Variants in PDE10A observed in about 807,000 individuals in gnomAD.
PDE10A encodes cAMP and cAMP-inhibited cGMP 3',5'-cyclic phosphodiesterase 10A.
A neutral mutation model predicts 97.7 loss-of-function variants in PDE10A; 39 were observed. That is an observed-to-expected ratio of 0.40 (90% CI 0.31 to 0.52). The LOEUF is 0.52. PDE10A is among the 20% of genes least tolerant of loss of function. PDE10A has a pLI of 0.56. For missense variants in PDE10A, 731 were observed against 1,047.8 expected (o/e 0.70, Z 4.17); for synonymous variants, 371 against 376.8 (o/e 0.98, Z 0.18).
chr6:165,404,755 T>C (rs1786982602), intron 13 of PDE10A, among the ~76,000 whole-genome samples: 1 of 152,142 alleles, frequency 6.6e-6, no homozygotes, highest in African/African-American at 2.4e-5. Flanking sequence ...TACTGAGAGA[T>C]TTAAAATACA....
rs958506250 is a variant in PDE10A, at chr6:165,545,320, T to A, written c.866-1752A>T. Reference sequence around the variant, plus strand: ...TACTTTCCCATCACCTCAAGCTCCATCTTAAGTCAAAACTATATGAGTTAT... The same window carrying A: ...TACTTTCCCATCACCTCAAGCTCCAACTTAAGTCAAAACTATATGAGTTAT... On this transcript the variant is annotated intron_variant, in intron 1 of 21. Coordinates refer to ENST00000539869, the MANE Select transcript of PDE10A (RefSeq NM_001385079.1). 20 of 409,612 alleles carry A rather than the reference T, an allele frequency of 4.9e-5. 1 individual carries two copies. The Admixed American group carries it at 6.4e-4, about 13-fold the overall frequency. 25.4% of individuals were successfully genotyped at this position (409,612 alleles called of 1,614,324 possible).
chr6:165,474,871 G>A (rs1779207866), intron 3 of PDE10A, among the ~76,000 whole-genome samples: 1 of 152,134 alleles, frequency 6.6e-6, no homozygotes, highest in South Asian at 2.1e-4. Context: ...GCCTGACATT[G>A]AGATCGAGAA....
At chr6:165,465,695 AGCCCCTTATAAAGCCAT>A (rs1778602139) in intron 3 of PDE10A, among the ~76,000 whole-genome samples, 3 of 152,200 alleles carry the variant, frequency 2.0e-5, no homozygotes. Context: ...CAAAGGGGGA[AGCCCCTTATAAAGCCAT>A]CAAATCTTGT....
intron 2 of PDE10A, among the ~76,000 whole-genome samples, chr6:165,504,539 T>A (rs1210042694): frequency 6.6e-6 from 1 of 152,142 alleles, no homozygotes; most frequent in African/African-American, 2.4e-5. Flanking sequence ...GTCAATGTGC[T>A]TAGAGACAGT....
chr6:165,408,087 C>A (rs938307915), intron 13 of PDE10A, among the ~76,000 whole-genome samples: 1 of 152,186 alleles, frequency 6.6e-6, no homozygotes, highest in East Asian at 1.9e-4. Flanking sequence ...ATTACATTAT[C>A]ATGTTCAGTA....
chr6:165,830,513 G>A (rs777706456), intron 1 of PDE10A, among the ~76,000 whole-genome samples: 15 of 151,986 alleles, frequency 9.9e-5, no homozygotes, highest in African/African-American at 2.2e-4. Context: ...TTAGATTACC[G>A]GTTTGCCGCA....
At chr6:165,680,219 C>G (rs1790938678) in intron 1 of PDE10A, among the ~76,000 whole-genome samples, 1 of 152,146 alleles carries the variant, frequency 6.6e-6, no homozygotes, top group South Asian at 2.1e-4. Flanking sequence ...ATGAAAATTC[C>G]TCTGTAATAT....
chr6:165,500,675 G>C (rs1780816797), intron 2 of PDE10A, among the ~76,000 whole-genome samples: 1 of 152,020 alleles, frequency 6.6e-6, no homozygotes, highest in Admixed American at 6.6e-5. Flanking sequence ...ACCCATAAAG[G>C]GTCTGTGCTG....
intron 1 of PDE10A, among the ~76,000 whole-genome samples, chr6:165,549,135 A>ACATAGAG (rs1347621317): frequency 2.0e-5 from 3 of 152,158 alleles, no homozygotes; most frequent in African/African-American, 7.2e-5. Flanking sequence ...TCTGCCCCAG[A>ACATAGAG]CATAGAGTCG....
At chr6:165,825,145 CAA>C (rs1199061190) in intron 1 of PDE10A, among the ~76,000 whole-genome samples, 12 of 50,880 alleles carry the variant, frequency 2.4e-4, no homozygotes, top group African/African-American at 3.7e-4. Context: ...GACTCCATCT[CAA>C]AAAAAAAAAA....
intron 21 of PDE10A, among the ~76,000 whole-genome samples, chr6:165,333,727 C>T (rs1022211113): frequency 1.3e-5 from 2 of 152,162 alleles, no homozygotes; most frequent in African/African-American, 4.8e-5. Flanking sequence ...TTCTCGAGTC[C>T]TCTAATCTTT....
At chr6:165,792,077 T>A (rs1778671099) in intron 1 of PDE10A, among the ~76,000 whole-genome samples, 1 of 152,026 alleles carries the variant, frequency 6.6e-6, no homozygotes, top group African/African-American at 2.4e-5. Context: ...CTGCCCGACG[T>A]TGTGGTTCTT....
At chr6:165,556,011 A>G (rs1784233178) in intron 1 of PDE10A, among the ~76,000 whole-genome samples, 1 of 151,926 alleles carries the variant, frequency 6.6e-6, no homozygotes, top group Non-Finnish European at 1.5e-5. Context: ...CGAACTGCAT[A>G]GCCTACAAAT....
At chr6:165,606,798 CCATGGAGTG>C (rs1238114858) in intron 1 of PDE10A, among the ~76,000 whole-genome samples, 1 of 151,996 alleles carries the variant, frequency 6.6e-6, no homozygotes, top group African/African-American at 2.4e-5. Context: ...TGTGACTGGA[CCATGGAGTG>C]CGTGCAGTGC....
intron 1 of PDE10A, among the ~76,000 whole-genome samples, chr6:165,739,456 A>G (rs917858723): frequency 3.3e-5 from 5 of 152,236 alleles, no homozygotes; most frequent in African/African-American, 1.2e-4. Context: ...ATGAAATTGG[A>G]CCATTGCCTC....
chr6:165,340,142 A>G (rs926662950), intron 19 of PDE10A, among the ~76,000 whole-genome samples: 1 of 152,224 alleles, frequency 6.6e-6, no homozygotes, highest in Non-Finnish European at 1.5e-5. Flanking sequence ...ATTTCATTTA[A>G]TCCTTATGAA....
intron 1 of PDE10A, among the ~76,000 whole-genome samples, chr6:165,803,369 GAGCTCCT>G (rs1779031585): frequency 6.6e-6 from 1 of 152,062 alleles, no homozygotes; most frequent in African/African-American, 2.4e-5. Context: ...ACTTTCCCCT[GAGCTCCT>G]AGCTTACATA....
chr6:165,736,710 CT>C (rs778958184), intron 1 of PDE10A, among the ~76,000 whole-genome samples: 18 of 152,266 alleles, frequency 1.2e-4, no homozygotes, highest in East Asian at 1.9e-4. Flanking sequence ...AAAAGAAATA[CT>C]TCAGATAAAT....
At chr6:165,530,274 TG>T (rs1322558549) in intron 2 of PDE10A, among the ~76,000 whole-genome samples, 1 of 18,908 alleles carries the variant, frequency 5.3e-5, no homozygotes, top group Non-Finnish European at 5.0e-4. Flanking sequence ...TATATATGTG[TG>T]TGTGTGTGTG....
Sources: allele counts gnomAD v4.1 joint callset (sites outside exome capture counted in the v4.1 genomes callset), GRCh38; gene constraint gnomAD v4.1.1; transcripts MANE v1.5; gene names NCBI Gene and HGNC (gene_info 2026-07-23, HGNC 2026-07-21).